Variants in NUCB2 observed in about 807,000 individuals in gnomAD.
NUCB2 encodes the protein nucleobindin 2.
NUCB2 carries 48 observed loss-of-function variants against 57.9 expected under a neutral mutation model. That is an observed-to-expected ratio of 0.83 (90% CI 0.66 to 1.05). The LOEUF is 1.05. NUCB2 is among the 50% of genes least tolerant of loss of function. NUCB2 has a pLI of 0.00. For missense variants in NUCB2, 442 were observed against 476.2 expected (o/e 0.93, Z 0.67); for synonymous variants, 139 against 152.1 (o/e 0.91, Z 0.64).
intron 11 of NUCB2, among the ~76,000 whole-genome samples, chr11:17,322,916 G>A (rs1414147685): frequency 6.6e-6 from 1 of 150,812 alleles, no homozygotes; most frequent in African/African-American, 2.4e-5. Context: ...GCTGATTTTT[G>A]TATGTTGATT....
chr11:17,296,319 G>A, intron 4 of NUCB2, 108 bp downstream of exon 4: 1 of 513,310 alleles, frequency 1.9e-6, no homozygotes, highest in Non-Finnish European at 3.3e-6. Flanking sequence ...CTGGGCTCTA[G>A]TGATCCTCCC....
At chr11:17,337,615 AG>A (rs1213405149) in intron 2 of NUCB2, 1 of 152,180 alleles carries the variant, frequency 6.6e-6, no homozygotes. Context: ...TGAGATTTGA[AG>A]GAAATCAGAC....
chr11:17,279,928 T>C (rs1942208184), intron 1 of NUCB2, among the ~76,000 whole-genome samples: 1 of 152,010 alleles, frequency 6.6e-6, no homozygotes, highest in African/African-American at 2.4e-5. Flanking sequence ...TAGCTAGGAC[T>C]AAAGGAGCAT....
intron 2 of NUCB2, among the ~76,000 whole-genome samples, chr11:17,342,203 CTCTTT>C (rs1256269528): frequency 1.3e-5 from 2 of 152,086 alleles, no homozygotes; most frequent in Non-Finnish European, 2.9e-5. Flanking sequence ...TGATTCTTCT[CTCTTT>C]TCTTCTTTAT....
At chr11:17,327,049 A>T (rs1284962315) in intron 11 of NUCB2, among the ~76,000 whole-genome samples, 1 of 152,076 alleles carries the variant, frequency 6.6e-6, no homozygotes, top group Non-Finnish European at 1.5e-5. Context: ...CTCTTGGCCT[A>T]TAAGATTTCC....
chr11:17,346,235 G>A (rs1364916778), intron 2 of NUCB2, among the ~76,000 whole-genome samples: 1 of 152,182 alleles, frequency 6.6e-6, no homozygotes, highest in Non-Finnish European at 1.5e-5. Context: ...AAGTCTTCCA[G>A]TGATAGCATT....
rs747474130 is a variant in NUCB2, at chr11:17,295,396, G to A, written c.73G>A (p.Val25Met). The change falls in exon 3 of 14, where the codon GTG becomes ATG. Residue 25 changes from valine to methionine, a missense_variant. By Grantham distance (21) the Val-to-Met change is conservative. Transcript: ENST00000529010. ...ITCLLTALEA[V>M]PIDIDKTKVQ... ...ATGTTTACTTACTGCTCTTGAAGCT[G>A]TGCCTATTGACATAGACAAGACAAA... The A allele has an allele frequency of 6.2e-7, 1 of 1,613,472 alleles. No homozygotes were observed. The highest frequency in any genetic ancestry group is 1.1e-5 in the South Asian group (1 of 91,048).
chr11:17,295,034 G>A (rs1425015267), intron 2 of NUCB2, among the ~76,000 whole-genome samples: 3 of 152,112 alleles, frequency 2.0e-5, no homozygotes, highest in Non-Finnish European at 4.4e-5. Flanking sequence ...GGCAACAAGA[G>A]TGAAACTCTG....
At chr11:17,310,763 G>C in intron 6 of NUCB2, 62 bp from the exon 7 acceptor site, 2 of 1,349,000 alleles carry the variant, frequency 1.5e-6, no homozygotes, top group Non-Finnish European at 2.1e-6. Context: ...TTCAAGAATG[G>C]CTTTATTTAC....
At chr11:17,318,807 C>T (rs1469375581) in intron 11 of NUCB2, among the ~76,000 whole-genome samples, 4 of 151,950 alleles carry the variant, frequency 2.6e-5, no homozygotes, top group South Asian at 4.2e-4. Context: ...GAGAGAAGGC[C>T]GAATTCTTTT....
chr11:17,340,170 C>T (rs1591632426), intron 2 of NUCB2, among the ~76,000 whole-genome samples: 2 of 152,186 alleles, frequency 1.3e-5, no homozygotes, highest in East Asian at 1.9e-4. Context: ...AGTGTCTGTT[C>T]ATATCCTTTG....
chr11:17,348,369 CTG>C (rs1395481737), intron 2 of NUCB2, among the ~76,000 whole-genome samples: 4 of 117,520 alleles, frequency 3.4e-5, no homozygotes, highest in Non-Finnish European at 3.2e-5. Flanking sequence ...GAGTCTCACT[CTG>C]TCACCCAGGC....
intron 10 of NUCB2, among the ~76,000 whole-genome samples, chr11:17,314,228 A>G (rs956977704): frequency 4.6e-5 from 7 of 152,012 alleles, no homozygotes; most frequent in South Asian, 2.1e-4. Flanking sequence ...TTTAATACCA[A>G]TCAAGTCCAA....
intron 2 of NUCB2, among the ~76,000 whole-genome samples, chr11:17,344,325 G>A (rs1952541923): frequency 6.6e-6 from 1 of 152,098 alleles, no homozygotes; most frequent in Non-Finnish European, 1.5e-5. Context: ...TCTTTGATAC[G>A]GAAAGACTAG....
rs1394354913 is a variant in NUCB2, at chr11:17,330,938, G to A, written c.1210G>A (p.Gly404Arg). The change falls in exon 13 of 14, where the codon GGA becomes AGA. Residue 404 changes from glycine to arginine, a missense_variant. Coordinates refer to ENST00000529010, the MANE Select transcript of NUCB2 (RefSeq NM_005013.4). This position sits in a 1 kb window ranked among gnomAD's most constrained non-coding sequence, Gnocchi z 4.3. ...QQMEQKKLQQGIPPSGPAGEL... is the reference protein window; with the variant it reads ...QQMEQKKLQQRIPPSGPAGEL... ...GATGGAACAAAAAAAATTACAACAA[G>A]GAATTCCTCCATCAGGGCCAGCTGG... 44 of 1,606,032 alleles carry A rather than the reference G, an allele frequency of 2.7e-5. No homozygotes were observed. The highest frequency in any genetic ancestry group is 3.7e-5 in the Non-Finnish European group (43 of 1,174,602).
chr11:17,301,272 C>CT (rs397848120), intron 4 of NUCB2, among the ~76,000 whole-genome samples: 7,032 of 73,226 alleles, frequency 0.096, 1,127 homozygotes, highest in African/African-American at 0.29. Flanking sequence ...CGCGCCTGGC[C>CT]TTTTTTTTTT....
downstream of NUCB2, among the ~76,000 whole-genome samples, chr11:17,335,632 G>C (rs897674042): frequency 1.1e-4 from 17 of 152,128 alleles, no homozygotes; most frequent in Middle Eastern, 3.2e-3. Flanking sequence ...CTCCCAAGTA[G>C]CTGGGATTAC....
At chr11:17,306,406 A>G (rs1475082583) in intron 5 of NUCB2, among the ~76,000 whole-genome samples, 1 of 152,222 alleles carries the variant, frequency 6.6e-6, no homozygotes, top group Non-Finnish European at 1.5e-5. Flanking sequence ...TTAGAAAACA[A>G]ATACCAAATA....
chr11:17,339,686 C>A (rs2139598974), intron 2 of NUCB2, among the ~76,000 whole-genome samples: 1 of 152,112 alleles, frequency 6.6e-6, no homozygotes, highest in Middle Eastern at 3.4e-3. Context: ...ATGAACTCAT[C>A]ATTTTTTATG....
Sources: allele counts gnomAD v4.1 joint callset (sites outside exome capture counted in the v4.1 genomes callset), GRCh38; gene constraint gnomAD v4.1.1; non-coding constraint Gnocchi (gnomAD v3.1); transcripts MANE v1.5; gene names NCBI Gene and HGNC (gene_info 2026-07-23, HGNC 2026-07-21).